Variants in CNBD1 observed in about 807,000 individuals in gnomAD.
The protein encoded by CNBD1 is cyclic nucleotide binding domain containing 1.
In CNBD1, 71 loss-of-function variants were observed where a neutral mutation model predicts 54.4. The ratio of observed to expected loss-of-function variants is 1.30; its 90% CI spans 1.08 to 1.59. CNBD1 has a LOEUF of 1.59. Ranked by LOEUF, CNBD1 falls within the 40% of genes most tolerant of loss-of-function variation. The pLI is 0.00. For synonymous variants in CNBD1, 182 were observed against 170.7 expected (o/e 1.07, Z -0.51); for missense variants, 659 against 518.0 (o/e 1.27, Z -2.64).
intron 8 of CNBD1, among the ~76,000 whole-genome samples, chr8:87,312,854 T>C (rs1809297450): frequency 6.6e-6 from 1 of 152,042 alleles, no homozygotes; most frequent in Non-Finnish European, 1.5e-5. Flanking sequence ...CTTTTGGTCT[T>C]AGATTGCCAA....
At chr8:87,106,217 C>CT (rs1358631005) in intron 4 of CNBD1, among the ~76,000 whole-genome samples, 17 of 134,866 alleles carry the variant, frequency 1.3e-4, no homozygotes, top group African/African-American at 5.6e-5. Context: ...CTTTTCTTTT[C>CT]TTTCTTTTCT....
In CNBD1 at chr8:87,266,679, C is replaced by T. The variant is rs191508494; in HGVS notation, c.772-17999C>T. Among the ~76,000 whole-genome samples the T allele has an allele frequency of 3.6e-3, 552 of 151,602 alleles. 2 individuals are homozygous for T. The highest frequency in any genetic ancestry group is 0.011 in the African/African-American group (466 of 41,300). On this transcript the variant is annotated intron_variant, in intron 6 of 10. Transcript: ENST00000518476. ...GTTGGTCAGGCTAGTCTTGAACTTC[C>T]GACCTCAGGTGATCTGCCTACCTCG...
At chr8:87,209,136 A>T (rs1309897870) in intron 5 of CNBD1, among the ~76,000 whole-genome samples, 1 of 152,096 alleles carries the variant, frequency 6.6e-6, no homozygotes, top group East Asian at 1.9e-4. Context: ...CTCATCAAGA[A>T]AAAAAGGAGA....
chr8:87,324,726 A>T (rs527692952), intron 8 of CNBD1, among the ~76,000 whole-genome samples: 4 of 149,984 alleles, frequency 2.7e-5, no homozygotes, highest in South Asian at 4.2e-4. Context: ...GCGGTCTATC[A>T]ATTTTGTTGA....
chr8:87,235,598 G>A (rs1180511079), intron 5 of CNBD1, among the ~76,000 whole-genome samples: 2 of 152,130 alleles, frequency 1.3e-5, no homozygotes, highest in Non-Finnish European at 2.9e-5. Flanking sequence ...TATCTTATAT[G>A]TGCATAGTTT....
In CNBD1 at chr8:87,281,438, T is replaced by C. The variant is rs140102992; in HGVS notation, c.772-3240T>C. Among the ~76,000 whole-genome samples the C allele has an allele frequency of 4.5e-3, 671 of 150,690 alleles. 9 individuals are homozygous for C. Among genetic ancestry groups the C allele is most frequent in the African/African-American group, 0.015 (634 of 41,290 alleles). On this transcript the variant is annotated intron_variant, in intron 6 of 10. Transcript: ENST00000518476. ...TGACGCTGGCATTTAAACAACTACA[T>C]ACACATATGGATTACTGTTTTTCTA... is the stretch of plus-strand genomic sequence containing the variant.
chr8:87,100,874 C>T (rs146754370), intron 4 of CNBD1, among the ~76,000 whole-genome samples: 9 of 152,288 alleles, frequency 5.9e-5, no homozygotes, highest in Middle Eastern at 3.4e-3. Flanking sequence ...AGGGAACGGT[C>T]TCTAAAATCT....
chr8:87,263,613 G>T (rs1465827108), intron 6 of CNBD1, among the ~76,000 whole-genome samples: 1 of 151,988 alleles, frequency 6.6e-6, no homozygotes, highest in Non-Finnish European at 1.5e-5. Context: ...ACACAGTTCT[G>T]TTATTCTTCT....
intron 4 of CNBD1, among the ~76,000 whole-genome samples, chr8:87,080,425 C>G (rs566232116): frequency 6.6e-6 from 1 of 151,848 alleles, no homozygotes; most frequent in Non-Finnish European, 1.5e-5. Flanking sequence ...CTACTAATAA[C>G]GCAAAAATTA....
chr8:87,330,435 C>G (rs908867202), intron 8 of CNBD1, among the ~76,000 whole-genome samples: 1 of 151,412 alleles, frequency 6.6e-6, no homozygotes, highest in Non-Finnish European at 1.5e-5. Context: ...TAATGTGATT[C>G]CCCTCTAAGC....
intron 3 of CNBD1, among the ~76,000 whole-genome samples, chr8:86,925,260 C>G (rs1674407244): frequency 2.0e-5 from 3 of 152,040 alleles, no homozygotes; most frequent in Admixed American, 1.3e-4. Context: ...AGTTATTTCC[C>G]TCGTTTGGTA....
chr8:87,050,169 C>G (rs1480092457), intron 4 of CNBD1, among the ~76,000 whole-genome samples: 1 of 152,130 alleles, frequency 6.6e-6, no homozygotes, highest in African/African-American at 2.4e-5. Flanking sequence ...TTCACCATAC[C>G]TGGGTATCCA....
At chr8:87,109,080 A>G (rs1222992528) in intron 4 of CNBD1, among the ~76,000 whole-genome samples, 1 of 152,206 alleles carries the variant, frequency 6.6e-6, no homozygotes, top group Non-Finnish European at 1.5e-5. Context: ...CATAATCAGA[A>G]CTAGATTTAA....
intron 4 of CNBD1, among the ~76,000 whole-genome samples, chr8:87,125,879 T>C (rs536060646): frequency 6.6e-6 from 1 of 152,034 alleles, no homozygotes; most frequent in African/African-American, 2.4e-5. Context: ...TCATTTCTAT[T>C]GCTATATAGA....
chr8:87,146,941 A>G (rs939608655), intron 4 of CNBD1, among the ~76,000 whole-genome samples: 1 of 152,138 alleles, frequency 6.6e-6, no homozygotes, highest in Non-Finnish European at 1.5e-5. Context: ...TATGTTCATT[A>G]TCTGCTTTAA....
intron 2 of CNBD1, among the ~76,000 whole-genome samples, chr8:86,897,230 G>T (rs1808859650): frequency 6.6e-6 from 1 of 152,106 alleles, no homozygotes; most frequent in Admixed American, 6.6e-5. Context: ...TATATAGCTG[G>T]TCTTGAAACT....
chr8:87,122,773 A>G (rs1811915836), intron 4 of CNBD1, among the ~76,000 whole-genome samples: 2 of 151,836 alleles, frequency 1.3e-5, no homozygotes, highest in South Asian at 4.1e-4. Context: ...ATTCCTTTGC[A>G]TGTGGATATT....
At chr8:87,039,794 T>A (rs1471735599) in intron 4 of CNBD1, among the ~76,000 whole-genome samples, 9 of 152,178 alleles carry the variant, frequency 5.9e-5, no homozygotes, top group Non-Finnish European at 1.3e-4. Context: ...CTGGTTGGGT[T>A]GGAAATGACT....
intron 2 of CNBD1, among the ~76,000 whole-genome samples, chr8:87,427,834 G>C (rs1438845543): frequency 6.6e-6 from 1 of 152,006 alleles, no homozygotes; most frequent in Non-Finnish European, 1.5e-5. Flanking sequence ...CATTCAAGAT[G>C]CTGCTGCATG....
Sources: allele counts gnomAD v4.1 joint callset (sites outside exome capture counted in the v4.1 genomes callset), GRCh38; gene constraint gnomAD v4.1.1; transcripts MANE v1.5; gene names NCBI Gene and HGNC (gene_info 2026-07-23, HGNC 2026-07-21).